The following FER variants were observed in gnomAD, a reference collection of about 807,000 sequenced individuals.
The protein encoded by FER is FER tyrosine kinase.
FER carries 63 observed loss-of-function variants against 111.0 expected under a neutral mutation model. The ratio of observed to expected loss-of-function variants is 0.57; its 90% CI spans 0.46 to 0.70. The LOEUF is 0.70. Ranked by LOEUF, FER falls within the 30% of genes least tolerant of loss-of-function variation. The pLI is 0.00. For missense variants in FER, 914 were observed against 954.0 expected, an observed-to-expected ratio of 0.96 and a Z score of 0.55; for synonymous variants, 327 against 313.9, an observed-to-expected ratio of 1.04 and a Z score of -0.44.
chr5:108,835,673 A>T, intron 4 of FER, 35 bp from the exon 5 acceptor site: 1 of 1,340,776 alleles, frequency 7.5e-7, no homozygotes, highest in Non-Finnish European at 1.0e-6. Context: ...AATTTAAACA[A>T]TTTAATACAT....
chr5:109,018,884 A>T (rs936406400), intron 13 of FER, among the ~76,000 whole-genome samples: 1 of 151,628 alleles, frequency 6.6e-6, no homozygotes, highest in African/African-American at 2.4e-5. Flanking sequence ...GGGAAATGTA[A>T]AATAGAACAG....
chr5:108,948,717 G>A (rs1158860754), intron 11 of FER, among the ~76,000 whole-genome samples: 3 of 151,862 alleles, frequency 2.0e-5, no homozygotes, highest in East Asian at 1.9e-4. Context: ...CTTTTTCTAG[G>A]GCCATCTATC....
At position 108,946,252 on chromosome 5, in the gene FER, A is replaced by C. The variant is rs755562248; in HGVS notation, c.1329+30A>C. 3.3e-6 allele frequency: 5 copies of C among 1,501,976 alleles called. No individual in the cohort carries two copies. The South Asian group carries it at 5.7e-5, about 17-fold the overall frequency. 93.0% of individuals were successfully genotyped at this position (1,501,976 alleles called of 1,614,324 possible). On this transcript the variant is annotated intron_variant, in intron 11 of 19. Transcript: ENST00000281092. The stretch of plus-strand genomic sequence containing the variant: ...GTAGGATTAACTCTCTGTGCTACTG[A>C]AAATGGTCATTGTCTAGCTTCTTTC...
chr5:108,974,295 G>C (rs1761049030), intron 13 of FER, among the ~76,000 whole-genome samples: 1 of 152,148 alleles, frequency 6.6e-6, no homozygotes, highest in Admixed American at 6.6e-5. Context: ...AGGGGACATA[G>C]TATGTTAGAC....
intron 10 of FER, among the ~76,000 whole-genome samples, chr5:108,938,017 ATCTC>A (rs141336704): frequency 0.011 from 1,042 of 99,220 alleles, 14 homozygotes; most frequent in African/African-American, 0.027. Flanking sequence ...TTTTTTCCCT[ATCTC>A]TCTCTCACAC....
chr5:109,087,489 G>A (rs769287882), intron 16 of FER, among the ~76,000 whole-genome samples: 1 of 151,558 alleles, frequency 6.6e-6, no homozygotes, highest in Non-Finnish European at 1.5e-5. Flanking sequence ...ATCCAACACT[G>A]ATTATATGTT....
chr5:109,049,528 C>T (rs1201502648), intron 16 of FER, among the ~76,000 whole-genome samples: 2 of 152,090 alleles, frequency 1.3e-5, no homozygotes, highest in African/African-American at 4.8e-5. Context: ...TTGAATTTTT[C>T]TAACTTTCTC....
At chr5:109,094,147 A>G (rs1322804940) in intron 16 of FER, among the ~76,000 whole-genome samples, 1 of 150,484 alleles carries the variant, frequency 6.6e-6, no homozygotes, top group African/African-American at 2.4e-5. Flanking sequence ...GACATAAAAA[A>G]TTAATTGATA....
chr5:108,976,323 A>G (rs1761332041), intron 13 of FER, among the ~76,000 whole-genome samples: 1 of 152,034 alleles, frequency 6.6e-6, no homozygotes, highest in East Asian at 1.9e-4. Context: ...CTAAAATAAC[A>G]TTTTATCCTA....
intron 16 of FER, among the ~76,000 whole-genome samples, chr5:109,059,738 TA>T (rs1390028677): frequency 6.6e-6 from 1 of 152,174 alleles, no homozygotes; most frequent in Non-Finnish European, 1.5e-5. Context: ...TGGTAGAATG[TA>T]AAATGATGGT....
At chr5:108,907,725 A>G (rs1581150757) in intron 10 of FER, among the ~76,000 whole-genome samples, 1 of 152,276 alleles carries the variant, frequency 6.6e-6, no homozygotes, top group East Asian at 1.9e-4. Context: ...TAACAAGAAA[A>G]CATCAGATAG....
chr5:109,007,684 T>A (rs965244610), intron 13 of FER, among the ~76,000 whole-genome samples: 2 of 152,222 alleles, frequency 1.3e-5, no homozygotes, highest in Admixed American at 6.5e-5. Context: ...GAAAGAGTTT[T>A]TGAGTTTTTA....
chr5:108,962,967 A>T (rs1759329905), intron 13 of FER, among the ~76,000 whole-genome samples: 1 of 152,210 alleles, frequency 6.6e-6, no homozygotes, highest in Admixed American at 6.5e-5. Context: ...TGTGAGTTTA[A>T]GGAAGAGGAA....
chr5:108,989,100 G>C (rs1288741557), intron 13 of FER, among the ~76,000 whole-genome samples: 1 of 151,956 alleles, frequency 6.6e-6, no homozygotes, highest in Non-Finnish European at 1.5e-5. Flanking sequence ...GTTCCTTTTG[G>C]AGTTGATTTC....
At chr5:109,069,783 G>A (rs1446719633) in intron 16 of FER, among the ~76,000 whole-genome samples, 1 of 152,082 alleles carries the variant, frequency 6.6e-6, no homozygotes, top group Non-Finnish European at 1.5e-5. Flanking sequence ...AGAAGGATGA[G>A]CCATAGAATT....
At chr5:108,820,724 T>G (rs1758747352) in intron 3 of FER, among the ~76,000 whole-genome samples, 1 of 152,236 alleles carries the variant, frequency 6.6e-6, no homozygotes, top group East Asian at 1.9e-4. Context: ...ATATTGGTTT[T>G]ATTTAAAAAA....
chr5:108,876,175 C>T (rs1049445229), intron 8 of FER, among the ~76,000 whole-genome samples: 1 of 151,880 alleles, frequency 6.6e-6, no homozygotes, highest in Admixed American at 6.6e-5. Flanking sequence ...ATGCAGCCCA[C>T]GAGGCTAAGA....
intron 2 of FER, among the ~76,000 whole-genome samples, chr5:108,788,756 C>T (rs983860041): frequency 1.3e-5 from 2 of 152,064 alleles, no homozygotes; most frequent in Non-Finnish European, 2.9e-5. Context: ...GATTTTTAAC[C>T]TTAATATTTT....
intron 10 of FER, among the ~76,000 whole-genome samples, chr5:108,921,821 A>G (rs2149553409): frequency 6.6e-6 from 1 of 152,312 alleles, no homozygotes; most frequent in Middle Eastern, 3.4e-3. Flanking sequence ...TTATTTGACT[A>G]GAAAAGTATA....
Sources: allele counts gnomAD v4.1 joint callset (sites outside exome capture counted in the v4.1 genomes callset), GRCh38; gene constraint gnomAD v4.1.1; transcripts MANE v1.5; gene names NCBI Gene and HGNC (gene_info 2026-07-23, HGNC 2026-07-21).